The following KIAA1217 variants were observed in gnomAD, a reference collection of about 807,000 sequenced individuals.
KIAA1217 encodes KIAA1217, also known as sickle tail protein homolog.
KIAA1217 carries 88 observed loss-of-function variants against 163.9 expected under a neutral mutation model. The observed-to-expected ratio is 0.54, with a 90% confidence interval of 0.45 to 0.64. KIAA1217 has a LOEUF of 0.64. KIAA1217 is among the 30% of genes least tolerant of loss of function. The pLI is 0.00. For synonymous variants in KIAA1217, 903 were observed against 923.1 expected, an observed-to-expected ratio of 0.98 and a Z score of 0.39; for missense variants, 2,372 against 2,475.0, an observed-to-expected ratio of 0.96 and a Z score of 0.88.
rs368308867 is a variant in KIAA1217 at position 24,438,369 on chromosome 10, G to A, written c.753-17G>A. 64 of 1,572,538 alleles carry A rather than the reference G, an allele frequency of 4.1e-5. 1 individual carries two copies. The highest frequency in any genetic ancestry group is 2.7e-4 in the African/African-American group (20 of 74,014). ...GCTTCTTTCATCTGCCATAGTTATC[G>A]ATGTTTTTGATTCCAGGAACATTCA... On this transcript the variant is annotated splice_polypyrimidine_tract_variant and intron_variant, in intron 4 of 20. Transcript: ENST00000376454.
intron 1 of KIAA1217, among the ~76,000 whole-genome samples, chr10:23,726,380 T>G (rs1398092110): frequency 6.6e-6 from 1 of 151,700 alleles, no homozygotes; most frequent in Non-Finnish European, 1.5e-5. Context: ...ATTTTATTTT[T>G]TATTATACTT....
intron 1 of KIAA1217, among the ~76,000 whole-genome samples, chr10:23,729,349 G>A (rs759430449): frequency 1.3e-5 from 2 of 152,134 alleles, no homozygotes; most frequent in Non-Finnish European, 2.9e-5. Context: ...GTTAGAATAT[G>A]TTTTGTTTTA....
At chr10:23,903,802 C>T (rs1263525875) in intron 1 of KIAA1217, among the ~76,000 whole-genome samples, 1 of 152,072 alleles carries the variant, frequency 6.6e-6, no homozygotes, top group Non-Finnish European at 1.5e-5. Flanking sequence ...GGTAGTATTT[C>T]CTACACCTCA....
At chr10:24,460,054 A>C (rs1256421054) in intron 5 of KIAA1217, among the ~76,000 whole-genome samples, 2 of 152,230 alleles carry the variant, frequency 1.3e-5, no homozygotes, top group Non-Finnish European at 2.9e-5. Flanking sequence ...GCGGAGAAAC[A>C]TACCTGGGGG....
chr10:23,982,065 C>A (rs774274791), intron 1 of KIAA1217, among the ~76,000 whole-genome samples: 64 of 151,692 alleles, frequency 4.2e-4, no homozygotes, highest in Non-Finnish European at 6.9e-4. Flanking sequence ...GAGCCATGTG[C>A]CTGGAAAAAT....
chr10:23,758,085 T>G (rs1834013561), intron 1 of KIAA1217, among the ~76,000 whole-genome samples: 1 of 152,210 alleles, frequency 6.6e-6, no homozygotes, highest in South Asian at 2.1e-4. Flanking sequence ...CTATTTCTTT[T>G]TGTGGCCTGT....
chr10:24,398,239 A>G (rs1047644630), intron 3 of KIAA1217, among the ~76,000 whole-genome samples: 5 of 152,242 alleles, frequency 3.3e-5, no homozygotes, highest in African/African-American at 1.2e-4. Context: ...TAAGATAATC[A>G]TTAAGAGAAA....
chr10:24,154,487 A>C (rs1019349244), intron 2 of KIAA1217, among the ~76,000 whole-genome samples: 2 of 152,110 alleles, frequency 1.3e-5, no homozygotes, highest in Non-Finnish European at 2.9e-5. Context: ...GACTTATTGG[A>C]AGGATTAAAT....
chr10:24,467,073 A>T (rs1308656263), intron 5 of KIAA1217, among the ~76,000 whole-genome samples: 1 of 151,904 alleles, frequency 6.6e-6, no homozygotes. Context: ...AAACAATTTT[A>T]ATATGTTGTT....
At chr10:24,315,242 A>G (rs1387048097) in intron 2 of KIAA1217, among the ~76,000 whole-genome samples, 1 of 152,210 alleles carries the variant, frequency 6.6e-6, no homozygotes, top group Non-Finnish European at 1.5e-5. Context: ...CAACGCTGCT[A>G]CACCCAAAAG....
intron 2 of KIAA1217, among the ~76,000 whole-genome samples, chr10:24,296,778 CGAA>C (rs2040667201): frequency 6.6e-6 from 1 of 151,984 alleles, no homozygotes; most frequent in African/African-American, 2.4e-5. Flanking sequence ...TTGGCCTTCG[CGAA>C]GAAGGATAGA....
chr10:23,907,746 G>A (rs546854523), intron 1 of KIAA1217, among the ~76,000 whole-genome samples: 3 of 152,154 alleles, frequency 2.0e-5, no homozygotes, highest in South Asian at 2.1e-4. Context: ...ACACCCTCAC[G>A]GACACATTCA....
intron 1 of KIAA1217, among the ~76,000 whole-genome samples, chr10:23,815,989 G>A (rs1837297916): frequency 6.6e-6 from 1 of 152,156 alleles, no homozygotes; most frequent in South Asian, 2.1e-4. Context: ...TTCCCTGGAT[G>A]TTAAGTTACA....
chr10:24,383,348 T>C (rs2053570629), intron 3 of KIAA1217, among the ~76,000 whole-genome samples: 1 of 152,200 alleles, frequency 6.6e-6, no homozygotes, highest in South Asian at 2.1e-4. Flanking sequence ...AATGGATCTT[T>C]TGTCTTAAAG....
At chr10:23,951,673 A>G (rs1844343092) in intron 1 of KIAA1217, among the ~76,000 whole-genome samples, 1 of 152,132 alleles carries the variant, frequency 6.6e-6, no homozygotes, top group South Asian at 2.1e-4. Context: ...ATTCCAGCTC[A>G]GTTCTGTCTG....
chr10:23,926,658 G>C (rs1843033398), intron 1 of KIAA1217, among the ~76,000 whole-genome samples: 1 of 152,030 alleles, frequency 6.6e-6, no homozygotes, highest in Admixed American at 6.5e-5. Context: ...CCGGGAGGCG[G>C]AGGTTGCAGT....
chr10:24,297,725 C>T (rs2040789830), intron 2 of KIAA1217, among the ~76,000 whole-genome samples: 1 of 151,972 alleles, frequency 6.6e-6, no homozygotes, highest in Admixed American at 6.6e-5. Context: ...CACTGCATTC[C>T]AGCCTGGGCA....
At chr10:23,785,347 C>T (rs751594786) in intron 1 of KIAA1217, among the ~76,000 whole-genome samples, 1 of 152,102 alleles carries the variant, frequency 6.6e-6, no homozygotes, top group Admixed American at 6.6e-5. Context: ...GTTCCCTCAC[C>T]TGCAGAATCA....
intron 5 of KIAA1217, among the ~76,000 whole-genome samples, chr10:24,468,037 G>T (rs185995895): frequency 6.6e-6 from 1 of 152,098 alleles, no homozygotes; most frequent in Admixed American, 6.5e-5. Context: ...AAGAATACCC[G>T]CAGCAAAGGC....
Sources: gnomAD v4.1 joint callset for allele counts (sites outside exome capture counted in the v4.1 genomes callset) on GRCh38, gnomAD v4.1.1 for gene constraint, MANE v1.5 for transcripts, NCBI Gene and HGNC (gene_info 2026-07-23, HGNC 2026-07-21) for gene names.